Variants in SLC24A3 observed in about 807,000 individuals in gnomAD.
The protein encoded by SLC24A3 is sodium/potassium/calcium exchanger 3.
A neutral mutation model predicts 75.8 loss-of-function variants in SLC24A3; 28 were observed. The observed-to-expected ratio is 0.37, with a 90% CI of 0.27 to 0.51. The LOEUF is 0.51. Among genes scored for constraint, SLC24A3 ranks in the 20% least tolerant of loss-of-function variants. The pLI, the probability that SLC24A3 is intolerant of heterozygous loss-of-function variation, is 0.94. For missense variants in SLC24A3, 663 were observed against 847.8 expected (o/e 0.78, Z 2.71); for synonymous variants, 372 against 334.1 (o/e 1.11, Z -1.24).
At chr20:19,711,549 A>G (rs1312492894) in intron 15 of SLC24A3, among the ~76,000 whole-genome samples, 1 of 149,066 alleles carries the variant, frequency 6.7e-6, no homozygotes, top group South Asian at 2.1e-4. Flanking sequence ...CAAACATGCA[A>G]ACATGCAGGC....
intron 2 of SLC24A3, among the ~76,000 whole-genome samples, chr20:19,383,814 A>ACTGTCTT (rs1568604809): frequency 6.6e-6 from 1 of 152,062 alleles, no homozygotes; most frequent in Admixed American, 6.6e-5. Flanking sequence ...GGCAAGGGAG[A>ACTGTCTT]CTGTCTTCTG....
At chr20:19,305,683 G>A (rs1984308019) in intron 2 of SLC24A3, among the ~76,000 whole-genome samples, 1 of 152,058 alleles carries the variant, frequency 6.6e-6, no homozygotes, top group Admixed American at 6.6e-5. Flanking sequence ...AACGGTGCTG[G>A]GATAAGTGGC....
chr20:19,287,728 T>C (rs549528669), intron 2 of SLC24A3, among the ~76,000 whole-genome samples: 135 of 152,228 alleles, frequency 8.9e-4, no homozygotes, highest in Non-Finnish European at 1.5e-3. Flanking sequence ...TTGCATCTTT[T>C]CTTTGGTAAT....
At chr20:19,654,551 C>T (rs1299133728) in intron 7 of SLC24A3, among the ~76,000 whole-genome samples, 1 of 151,802 alleles carries the variant, frequency 6.6e-6, no homozygotes, top group Non-Finnish European at 1.5e-5. Context: ...TGTCACTTAG[C>T]AGTGACACCT....
intron 2 of SLC24A3, among the ~76,000 whole-genome samples, chr20:19,469,839 C>T (rs756539370): frequency 2.0e-5 from 3 of 152,200 alleles, no homozygotes; most frequent in South Asian, 4.1e-4. Flanking sequence ...GCAAAGGAAA[C>T]GGCTGTGGTC....
chr20:19,357,468 A>G (rs944150903), intron 2 of SLC24A3, among the ~76,000 whole-genome samples: 1 of 152,186 alleles, frequency 6.6e-6, no homozygotes, highest in Admixed American at 6.5e-5. Flanking sequence ...ATTCATCAAC[A>G]TTGCCTATTT....
chr20:19,708,040 A>C (rs1005167900), intron 15 of SLC24A3, among the ~76,000 whole-genome samples: 3 of 152,144 alleles, frequency 2.0e-5, no homozygotes, highest in Admixed American at 6.5e-5. Context: ...ACAAACATTC[A>C]CTGAAGGAGA....
At chr20:19,648,601 A>G (rs1361472206) in intron 6 of SLC24A3, among the ~76,000 whole-genome samples, 1 of 152,056 alleles carries the variant, frequency 6.6e-6, no homozygotes, top group Non-Finnish European at 1.5e-5. Context: ...CATATATACT[A>G]TATGTATATT....
intron 2 of SLC24A3, among the ~76,000 whole-genome samples, chr20:19,511,351 G>A (rs1197950996): frequency 6.8e-5 from 10 of 147,510 alleles, no homozygotes; most frequent in Non-Finnish European, 1.2e-4. Context: ...TTTTTGAGAT[G>A]GAGTCTCGCT....
intron 6 of SLC24A3, among the ~76,000 whole-genome samples, chr20:19,652,392 C>A (rs141733945): frequency 1.5e-4 from 23 of 152,306 alleles, no homozygotes; most frequent in Non-Finnish European, 3.2e-4. Flanking sequence ...CCTTTTATGA[C>A]CTGCTGGAAA....
intron 2 of SLC24A3, among the ~76,000 whole-genome samples, chr20:19,374,559 T>C (rs1986047853): frequency 6.6e-6 from 1 of 152,156 alleles, no homozygotes; most frequent in Non-Finnish European, 1.5e-5. Flanking sequence ...TCCCTGTGAG[T>C]TTATGGTTTA....
intron 7 of SLC24A3, among the ~76,000 whole-genome samples, chr20:19,663,283 T>C (rs2032351098): frequency 6.6e-6 from 1 of 151,028 alleles, no homozygotes; most frequent in South Asian, 2.1e-4. Context: ...GTTCATTTCA[T>C]TGTTCTTTTC....
At chr20:19,566,732 C>T (rs992999684) in intron 3 of SLC24A3, among the ~76,000 whole-genome samples, 3 of 152,218 alleles carry the variant, frequency 2.0e-5, no homozygotes, top group African/African-American at 7.2e-5. Context: ...TCATGCTTCA[C>T]AGAGTGTGTG....
intron 2 of SLC24A3, among the ~76,000 whole-genome samples, chr20:19,392,168 A>G (rs1412482787): frequency 6.6e-6 from 1 of 151,106 alleles, no homozygotes; most frequent in Non-Finnish European, 1.5e-5. Context: ...TAAGATTTAT[A>G]TCTTAACAGT....
At chr20:19,283,780 A>G (rs1248281123) in intron 2 of SLC24A3, among the ~76,000 whole-genome samples, 1 of 152,216 alleles carries the variant, frequency 6.6e-6, no homozygotes, top group East Asian at 1.9e-4. Context: ...AATTACTAAT[A>G]AAGTGTGGAC....
intron 2 of SLC24A3, among the ~76,000 whole-genome samples, chr20:19,429,575 C>T (rs1396585304): frequency 1.3e-5 from 2 of 152,148 alleles, no homozygotes; most frequent in African/African-American, 2.4e-5. Flanking sequence ...ATGTGGAAGA[C>T]GATGAGAGTT....
intron 2 of SLC24A3, among the ~76,000 whole-genome samples, chr20:19,412,934 TAA>T (rs2122423413): frequency 6.6e-6 from 1 of 152,236 alleles, no homozygotes; most frequent in East Asian, 1.9e-4. Flanking sequence ...GGGATAAATA[TAA>T]AAGATAGTTC....
At chr20:19,401,060 T>A (rs1222644731) in intron 2 of SLC24A3, among the ~76,000 whole-genome samples, 1 of 152,160 alleles carries the variant, frequency 6.6e-6, no homozygotes, top group Admixed American at 6.5e-5. Context: ...CGTAAAGTGC[T>A]TAGAGCATGC....
chr20:19,604,216 T>A (rs1395360523), intron 6 of SLC24A3, among the ~76,000 whole-genome samples: 1 of 151,234 alleles, frequency 6.6e-6, no homozygotes, highest in Non-Finnish European at 1.5e-5. Flanking sequence ...GAGAGTAAAA[T>A]AGGGGGACGT....
Sources: gnomAD v4.1 joint callset for allele counts (sites outside exome capture counted in the v4.1 genomes callset) on GRCh38, gnomAD v4.1.1 for gene constraint, MANE v1.5 for transcripts, NCBI Gene and HGNC (gene_info 2026-07-23, HGNC 2026-07-21) for gene names.